The following DOCK10 variants were observed in gnomAD, a reference collection of about 807,000 sequenced individuals.
DOCK10 encodes dedicator of cytokinesis 10, also known as dedicator of cytokinesis protein 10.
A neutral mutation model predicts 280.1 loss-of-function variants in DOCK10; 145 were observed. That is an observed-to-expected ratio of 0.52 (90% CI 0.45 to 0.59). The LOEUF is 0.59. DOCK10 is among the 20% of genes least tolerant of loss of function. The probability of loss-of-function intolerance (pLI) is 0.00; values close to 1 mark genes in which losing one functional copy is unlikely to be tolerated. For missense variants in DOCK10, 2,368 were observed against 2,651.7 expected, an observed-to-expected ratio of 0.89 and a Z score of 2.35; for synonymous variants, 915 against 942.2, an observed-to-expected ratio of 0.97 and a Z score of 0.53.
At chr2:224,911,054 T>TG (rs1226237772) in intron 3 of DOCK10, among the ~76,000 whole-genome samples, 1 of 152,062 alleles carries the variant, frequency 6.6e-6, no homozygotes, top group African/African-American at 2.4e-5. Context: ...CCAAGAGAGT[T>TG]GAATGTTCTG....
chr2:224,781,001 C>T (rs1187398292), intron 50 of DOCK10, among the ~76,000 whole-genome samples: 1 of 152,158 alleles, frequency 6.6e-6, no homozygotes, highest in Non-Finnish European at 1.5e-5. Flanking sequence ...CAGCAACCTA[C>T]TTACTGGGAG....
Position 224,805,284 on chromosome 2 carries a change from G to A in DOCK10, c.3973C>T (p.Arg1325Ter), listed in dbSNP as rs1693320566. Reference protein sequence around the residue: ...RPLSLIGSTLRFDKLDQAETR... With the variant: ...RPLSLIGSTL ...TCTGCTTGATCTAACTTGTCAAATC[G>A]AAGAGTTGAGCCAATCAAAGACAAG... The change falls in exon 36 of 56, where the codon CGA becomes TGA. Residue 1325 changes from arginine (R) to a stop codon, truncating the protein, a stop_gained. Coordinates refer to ENST00000258390, the MANE Select transcript of DOCK10 (RefSeq NM_014689.3). LOFTEE classifies it high-confidence loss of function. The surrounding 1 kb of genome is among the most constrained non-coding windows in gnomAD (Gnocchi z 4.3). The A allele has an allele frequency of 6.2e-7, 1 of 1,613,054 alleles. No homozygotes were observed. Among genetic ancestry groups the A allele is most frequent in the East Asian group, 2.2e-5 (1 of 44,848 alleles).
chr2:224,875,617 T>G (rs2125693007), intron 8 of DOCK10, among the ~76,000 whole-genome samples: 1 of 152,336 alleles, frequency 6.6e-6, no homozygotes, highest in East Asian at 1.9e-4. Context: ...GATCACAGTA[T>G]GATCAAAAAG....
At chr2:224,850,669 C>T (rs1696671805) in intron 18 of DOCK10, among the ~76,000 whole-genome samples, 1 of 152,074 alleles carries the variant, frequency 6.6e-6, no homozygotes. Context: ...TCCCGACATG[C>T]CAAGGAGAGG....
intron 2 of DOCK10, among the ~76,000 whole-genome samples, chr2:224,921,112 A>AAAAAAAAAAAAAAAATATAT: frequency 1.8e-5 from 1 of 54,432 alleles, no homozygotes; most frequent in Non-Finnish European, 3.0e-5. Context: ...AAAAAAAAAA[A>AAAAAAAAAAAAAAAATATAT]ATATATATAT....
At chr2:224,832,778 C>G (rs530163974) in intron 26 of DOCK10, among the ~76,000 whole-genome samples, 15 of 152,298 alleles carry the variant, frequency 9.8e-5, no homozygotes, top group Middle Eastern at 3.4e-3. Flanking sequence ...ACTCCTACCC[C>G]TCTCCATCCC....
chr2:224,793,172 GA>G, intron 46 of DOCK10, 100 bp from the exon 47 acceptor site: 1 of 966,916 alleles, frequency 1.0e-6, no homozygotes, highest in Non-Finnish European at 1.6e-6. Flanking sequence ...TTCTCGTTTT[GA>G]ACTAAGAAGT....
At chr2:224,949,350 T>C (rs954494226) in intron 1 of DOCK10, among the ~76,000 whole-genome samples, 10 of 152,216 alleles carry the variant, frequency 6.6e-5, no homozygotes, top group Non-Finnish European at 1.5e-5. Flanking sequence ...TTGGCTTAGT[T>C]ACAAGGAGAT....
intron 1 of DOCK10, among the ~76,000 whole-genome samples, chr2:224,986,232 G>C (rs1705970490): frequency 6.6e-6 from 1 of 152,154 alleles, no homozygotes; most frequent in Non-Finnish European, 1.5e-5. Context: ...ACAAAGATGA[G>C]CTTAGATAAA....
intron 2 of DOCK10, among the ~76,000 whole-genome samples, chr2:224,928,204 A>G (rs557072468): frequency 6.6e-6 from 1 of 152,290 alleles, no homozygotes; most frequent in East Asian, 1.9e-4. Flanking sequence ...GAGTGTGAGG[A>G]TAAAAACCAA....
At chr2:225,033,109 A>G (rs1284460807) in intron 1 of DOCK10, among the ~76,000 whole-genome samples, 1 of 152,196 alleles carries the variant, frequency 6.6e-6, no homozygotes, top group Non-Finnish European at 1.5e-5. Context: ...CAGAGGAGGT[A>G]TGCTGAAATT....
intron 31 of DOCK10, among the ~76,000 whole-genome samples, chr2:224,810,640 C>T (rs1243609127): frequency 1.0e-3 from 111 of 109,756 alleles, no homozygotes; most frequent in African/African-American, 3.8e-3. Context: ...CCCCCTCCCC[C>T]CACCCCACAA....
At chr2:224,823,426 C>A in intron 28 of DOCK10, 75 bp downstream of exon 28, 1 of 1,289,136 alleles carries the variant, frequency 7.8e-7, no homozygotes. Flanking sequence ...AAGATGTGAA[C>A]TGATGAAAGT....
At chr2:224,976,567 C>T (rs899963850) in intron 1 of DOCK10, among the ~76,000 whole-genome samples, 7 of 150,954 alleles carry the variant, frequency 4.6e-5, no homozygotes, top group African/African-American at 1.7e-4. Flanking sequence ...TAGAGTTTCT[C>T]AATCATAGTA....
chr2:225,028,017 C>T (rs1220575526), intron 1 of DOCK10, among the ~76,000 whole-genome samples: 1 of 152,176 alleles, frequency 6.6e-6, no homozygotes, highest in African/African-American at 2.4e-5. Flanking sequence ...TCCTTTTAAT[C>T]TTTTAATGCA....
intron 1 of DOCK10, among the ~76,000 whole-genome samples, chr2:225,000,263 A>G (rs73993973): frequency 0.019 from 2,867 of 152,166 alleles, 95 homozygotes; most frequent in African/African-American, 0.065. Context: ...CTGGTTTTAC[A>G]CATGATGGAA....
intron 50 of DOCK10, among the ~76,000 whole-genome samples, chr2:224,785,845 T>C (rs1014727552): frequency 2.6e-5 from 4 of 152,166 alleles, no homozygotes; most frequent in Non-Finnish European, 5.9e-5. Flanking sequence ...ACGACTTCAA[T>C]GGGGATTGAC....
At chr2:224,851,201 CAGTT>C (rs925037001) in intron 18 of DOCK10, among the ~76,000 whole-genome samples, 9 of 152,200 alleles carry the variant, frequency 5.9e-5, no homozygotes, top group African/African-American at 2.2e-4. Context: ...TGGAGTCTGA[CAGTT>C]AGCTTTGCTG....
chr2:224,919,168 G>C (rs1248142872), intron 2 of DOCK10, among the ~76,000 whole-genome samples: 1 of 146,506 alleles, frequency 6.8e-6, no homozygotes, highest in Non-Finnish European at 1.5e-5. Context: ...TGTGTGGTGG[G>C]TTTGTATGTG....
Sources: gnomAD v4.1 joint callset for allele counts (sites outside exome capture counted in the v4.1 genomes callset) on GRCh38, gnomAD v4.1.1 for gene constraint, Gnocchi (gnomAD v3.1) non-coding constraint, MANE v1.5 for transcripts, NCBI Gene and HGNC (gene_info 2026-07-23, HGNC 2026-07-21) for gene names.